The following MAGI2 variants were observed in gnomAD, a reference collection of about 807,000 sequenced individuals.
MAGI2 encodes the protein membrane-associated guanylate kinase, WW and PDZ domain-containing protein 2.
In MAGI2, 35 loss-of-function variants were observed where a neutral mutation model predicts 133.3. That is an observed-to-expected ratio of 0.26 (90% CI 0.20 to 0.35). The LOEUF is 0.35. MAGI2 is among the 10% of genes least tolerant of loss of function. The pLI, the probability that MAGI2 is intolerant of heterozygous loss-of-function variation, is 1.00. For synonymous variants in MAGI2, 729 were observed against 710.6 expected (o/e 1.03, Z -0.41); for missense variants, 1,636 against 1,863.4 (o/e 0.88, Z 2.25).
chr7:78,048,411 A>G, intron 21 of MAGI2, among the ~76,000 whole-genome samples: 1 of 152,156 alleles, frequency 6.6e-6, no homozygotes, highest in Non-Finnish European at 1.5e-5. Context: ...TGGATGTGTC[A>G]GTTGGAGTCA....
chr7:78,706,346 T>G (rs1818642244), intron 2 of MAGI2, among the ~76,000 whole-genome samples: 3 of 151,702 alleles, frequency 2.0e-5, no homozygotes, highest in African/African-American at 7.3e-5. Context: ...GCCACCATCA[T>G]ATAAGAAGTG....
At chr7:78,653,063 T>C (rs529059767) in intron 2 of MAGI2, among the ~76,000 whole-genome samples, 19 of 152,226 alleles carry the variant, frequency 1.2e-4, no homozygotes, top group African/African-American at 4.3e-4. Context: ...ATCAGAGAAA[T>C]GCGAATCAAA....
chr7:79,218,000 A>G (rs1272888834), intron 1 of MAGI2, among the ~76,000 whole-genome samples: 3 of 152,036 alleles, frequency 2.0e-5, no homozygotes, highest in Non-Finnish European at 4.4e-5. Context: ...TTGAAAAAAA[A>G]GTATTGTTTT....
chr7:79,229,637 T>C (rs929563155), intron 1 of MAGI2, among the ~76,000 whole-genome samples: 7 of 152,196 alleles, frequency 4.6e-5, no homozygotes, highest in East Asian at 1.9e-4. Context: ...TTTAGCATAA[T>C]TGACCAAGAA....
chr7:78,749,187 T>C (rs1315858143), intron 2 of MAGI2, among the ~76,000 whole-genome samples: 1 of 152,152 alleles, frequency 6.6e-6, no homozygotes, highest in Non-Finnish European at 1.5e-5. Context: ...GGGGGAGTTT[T>C]TCAGCTGAGA....
intron 1 of MAGI2, among the ~76,000 whole-genome samples, chr7:79,136,003 G>GAAAGAGAAAGAAAGAAAGAAAGAA (rs749343638): frequency 4.9e-5 from 2 of 40,924 alleles, no homozygotes; most frequent in Non-Finnish European, 1.0e-4. Context: ...AAGAAAGAAA[G>GAAAGAGAAAGAAAGAAAGAAAGAA]AGAAAGAAAG....
intron 10 of MAGI2, among the ~76,000 whole-genome samples, chr7:78,244,387 A>G (rs1459782252): frequency 6.6e-6 from 1 of 152,024 alleles, no homozygotes; most frequent in Non-Finnish European, 1.5e-5. Flanking sequence ...ATTACTATGG[A>G]AGAAATTGAA....
chr7:78,422,042 T>C (rs1450197843), intron 6 of MAGI2, among the ~76,000 whole-genome samples: 4 of 152,176 alleles, frequency 2.6e-5, no homozygotes, highest in Non-Finnish European at 5.9e-5. Context: ...AATTTCAATG[T>C]GTATTTCAAA....
At chr7:79,121,269 T>G (rs1436689902) in intron 1 of MAGI2, among the ~76,000 whole-genome samples, 1 of 152,146 alleles carries the variant, frequency 6.6e-6, no homozygotes, top group African/African-American at 2.4e-5. Flanking sequence ...TAATTATGAC[T>G]TCAAAAGCAA....
intron 1 of MAGI2, among the ~76,000 whole-genome samples, chr7:79,359,907 T>C (rs1231204848): frequency 6.6e-6 from 1 of 152,204 alleles, no homozygotes; most frequent in Non-Finnish European, 1.5e-5. Flanking sequence ...TTTAATTTTA[T>C]ATAAACATGC....
At chr7:78,754,369 T>TTAAA (rs145858309) in intron 2 of MAGI2, among the ~76,000 whole-genome samples, 1 of 97,736 alleles carries the variant, frequency 1.0e-5, no homozygotes, top group Admixed American at 1.1e-4. Context: ...AGACCCTGTC[T>TTAAA]CAAATAAATA....
At chr7:78,803,150 CT>C (rs1337657205) in intron 2 of MAGI2, among the ~76,000 whole-genome samples, 1 of 152,000 alleles carries the variant, frequency 6.6e-6, no homozygotes, top group African/African-American at 2.4e-5. Flanking sequence ...ATATGTTCTC[CT>C]TTTGTCCTAA....
chr7:78,730,313 A>G (rs1204482787), intron 2 of MAGI2, among the ~76,000 whole-genome samples: 1 of 152,026 alleles, frequency 6.6e-6, no homozygotes, highest in African/African-American at 2.4e-5. Flanking sequence ...GACTCAAAAC[A>G]AGTTAATAAT....
At chr7:78,720,181 G>T (rs745826031) in intron 2 of MAGI2, among the ~76,000 whole-genome samples, 99 of 152,084 alleles carry the variant, frequency 6.5e-4, no homozygotes, top group Non-Finnish European at 1.1e-3. Context: ...TTCCTAAGAG[G>T]GATAAATTTA....
In MAGI2 at chr7:78,177,971, A is replaced by G. The variant is rs185707405; in HGVS notation, c.2403+40T>C. 1,520 of 1,411,468 alleles carry G rather than the reference A, an allele frequency of 1.1e-3. 11 individuals carry two copies. The highest frequency in any genetic ancestry group is 8.1e-3 in the Middle Eastern group (46 of 5,662). The allele number at this position is 1,411,468 out of a possible 1,614,324, so 87.4% of individuals were successfully genotyped here. On this transcript the variant is annotated intron_variant, in intron 14 of 21. Transcript: ENST00000354212. ...ATTTTCCCTGGTGTTTACTCATACA[A>G]TACAGCCCCAAGCATGGAAATAAAG... is the stretch of plus-strand genomic sequence containing the variant.
chr7:78,831,319 A>G (rs73369466), intron 2 of MAGI2, among the ~76,000 whole-genome samples: 8,256 of 152,156 alleles, frequency 0.054, 339 homozygotes, highest in African/African-American at 0.12. Context: ...CATTTTTACA[A>G]TTTTCATCCT....
chr7:78,298,761 T>C (rs1206403667), intron 9 of MAGI2, among the ~76,000 whole-genome samples: 1 of 146,468 alleles, frequency 6.8e-6, no homozygotes, highest in Admixed American at 6.8e-5. Flanking sequence ...CACCTTGGCC[T>C]CCCAAAGTGT....
intron 2 of MAGI2, among the ~76,000 whole-genome samples, chr7:78,986,767 C>T (rs1430591472): frequency 6.6e-6 from 1 of 151,976 alleles, no homozygotes; most frequent in Non-Finnish European, 1.5e-5. Context: ...CATATATCTA[C>T]CCTTTGTGTC....
At chr7:78,125,637 C>T in intron 20 of MAGI2, 57 bp downstream of exon 20, 1 of 1,582,034 alleles carries the variant, frequency 6.3e-7, no homozygotes, top group Admixed American at 1.7e-5. Flanking sequence ...TCTTCCAATA[C>T]CACAGTCGGT....
Sources: gnomAD v4.1 joint callset for allele counts (sites outside exome capture counted in the v4.1 genomes callset) on GRCh38, gnomAD v4.1.1 for gene constraint, MANE v1.5 for transcripts, NCBI Gene and HGNC (gene_info 2026-07-23, HGNC 2026-07-21) for gene names.